The following OR2I1 variants were observed in gnomAD, a reference collection of about 807,000 sequenced individuals.
OR2I1 encodes the protein putative olfactory receptor 2I1.
chr6:29,553,729 C>T, the OR2I1 span: 1 of 398,600 alleles, frequency 2.5e-6, no homozygotes, highest in East Asian at 3.6e-5. Flanking sequence ...GTGCGCGCCC[C>T]GCCTGCTGGA....
chr6:29,556,942 G>A, the OR2I1 span: 1 of 152,624 alleles, frequency 6.6e-6, no homozygotes, highest in African/African-American at 2.4e-5. Flanking sequence ...GGGCAACAGA[G>A]TGAGACTCTG....
chr6:29,556,936 A>C, the OR2I1 span: 1 of 152,864 alleles, frequency 6.5e-6, no homozygotes, highest in Non-Finnish European at 1.5e-5. Flanking sequence ...CAGCCAGGGC[A>C]ACAGAGTGAG....
chr6:29,554,468 A>G, the OR2I1 span: 1 of 230,812 alleles, frequency 4.3e-6, no homozygotes, highest in Non-Finnish European at 8.3e-6. Context: ...ATGGAAGACC[A>G]TGGAAGACCT....
chr6:29,556,241 T>C, the OR2I1 span: 1 of 1,613,102 alleles, frequency 6.2e-7, no homozygotes, highest in African/African-American at 1.3e-5. Flanking sequence ...AACCTGGTCC[T>C]GCACAGGAAC....
chr6:29,553,373 C>T, the OR2I1 span: 3 of 399,200 alleles, frequency 7.5e-6, no homozygotes, highest in African/African-American at 2.1e-5. Flanking sequence ...GTGCGCGACC[C>T]GCGCCTGCAC....
the OR2I1 span, among the ~76,000 whole-genome samples, chr6:29,551,497 G>C: frequency 6.6e-6 from 1 of 152,198 alleles, no homozygotes; most frequent in Non-Finnish European, 1.5e-5. Context: ...TAAGGCTATT[G>C]CCTAATATTC....
chr6:29,552,515 G>A, the OR2I1 span, among the ~76,000 whole-genome samples: 3 of 152,134 alleles, frequency 2.0e-5, no homozygotes, highest in Non-Finnish European at 4.4e-5. Context: ...GTAATCAGCC[G>A]TATAATGGGT....
chr6:29,557,672 T>C, the OR2I1 span: 4 of 152,220 alleles, frequency 2.6e-5, no homozygotes, highest in Non-Finnish European at 5.9e-5. Context: ...GCAAAGTGCT[T>C]GCTTTTGGTT....
the OR2I1 span, among the ~76,000 whole-genome samples, chr6:29,551,656 A>G: frequency 6.1e-4 from 88 of 144,740 alleles, no homozygotes; most frequent in Middle Eastern, 3.4e-3. Flanking sequence ...AAAGGATGAC[A>G]GTTAACAACT....
At chr6:29,553,428 G>C in the OR2I1 span, 1 of 398,830 alleles carries the variant, frequency 2.5e-6, no homozygotes. Context: ...TGGTAGACGC[G>C]GGCTTCACTA....
chr6:29,551,091 G>C, the OR2I1 span, among the ~76,000 whole-genome samples: 1 of 152,176 alleles, frequency 6.6e-6, no homozygotes, highest in African/African-American at 2.4e-5. Context: ...TTATTATTGT[G>C]TGCCTGTTTT....
At chr6:29,552,750 C>T in the OR2I1 span, 2 of 152,648 alleles carry the variant, frequency 1.3e-5, no homozygotes, top group South Asian at 2.1e-4. Flanking sequence ...TTACTAATTA[C>T]GTTTTTGTTG....
the OR2I1 span, chr6:29,553,472 G>C: frequency 7.5e-6 from 3 of 398,600 alleles, no homozygotes; most frequent in Non-Finnish European, 1.3e-5. Flanking sequence ...GCCAACCTGC[G>C]CGGACCAGCG....
At chr6:29,551,987 G>A in the OR2I1 span, among the ~76,000 whole-genome samples, 1 of 152,330 alleles carries the variant, frequency 6.6e-6, no homozygotes, top group Middle Eastern at 3.4e-3. Flanking sequence ...GTAATTTACA[G>A]CAGTGAATAT....
At chr6:29,553,739 A>G in the OR2I1 span, 39,445 of 398,484 alleles carry the variant, frequency 0.099, 5,838 homozygotes, top group African/African-American at 0.44. Context: ...CGCCTGCTGG[A>G]CCACTTCATC....
At chr6:29,553,622 T>C in the OR2I1 span, 1 of 398,360 alleles carries the variant, frequency 2.5e-6, no homozygotes, top group Non-Finnish European at 4.4e-6. Flanking sequence ...GCGGGGCTCG[T>C]CTCCCCGCGC....
At chr6:29,554,857 G>C in the OR2I1 span, 3 of 152,250 alleles carry the variant, frequency 2.0e-5, no homozygotes, top group Admixed American at 6.5e-5. Flanking sequence ...AAGAGAGAGA[G>C]TCAGAGAGAG....
the OR2I1 span, among the ~76,000 whole-genome samples, chr6:29,552,405 T>G: frequency 0.026 from 3,949 of 152,316 alleles, 144 homozygotes; most frequent in African/African-American, 0.075. Flanking sequence ...CTACCCAACT[T>G]ATTCCTGATT....
At chr6:29,553,195 C>G in the OR2I1 span, 6 of 398,614 alleles carry the variant, frequency 1.5e-5, no homozygotes, top group Non-Finnish European at 2.2e-5. Context: ...TTTCGACCTT[C>G]CAAACATTCT....
Sources: allele counts gnomAD v4.1 joint callset (sites outside exome capture counted in the v4.1 genomes callset), GRCh38; gene constraint gnomAD v4.1.1; transcripts MANE v1.5; gene names NCBI Gene and HGNC (gene_info 2026-07-23, HGNC 2026-07-21).